Variants in DENND5B observed in about 807,000 individuals in gnomAD.
DENND5B encodes the protein DENN domain containing 5B.
A neutral mutation model predicts 140.6 loss-of-function variants in DENND5B; 34 were observed. The observed-to-expected ratio is 0.24, with a 90% confidence interval of 0.18 to 0.32. The LOEUF (loss-of-function observed/expected upper bound fraction) is 0.32, where lower values mean the gene tolerates loss of function less well. Among genes scored for constraint, DENND5B ranks in the 10% least tolerant of loss-of-function variants. The pLI, the probability that DENND5B is intolerant of heterozygous loss-of-function variation, is 1.00. For missense variants in DENND5B, 1,142 were observed against 1,560.2 expected (o/e 0.73, Z 4.52); for synonymous variants, 551 against 562.1 (o/e 0.98, Z 0.28).
rs890428196 is a variant in DENND5B at position 31,425,085 on chromosome 12, A to C, written c.2239-398T>G. ...CCCAGCACTTTGGGAGGCCCAGGCA[A>C]GTGGATCACCTGGGGTCAGGAGTTC... is the stretch of plus-strand genomic sequence containing the variant. On this transcript the variant is annotated intron_variant, in intron 9 of 20. Coordinates refer to ENST00000389082, the MANE Select transcript of DENND5B (RefSeq NM_144973.4). Among the ~76,000 whole-genome samples the C allele has an allele frequency of 9.2e-5, 14 of 152,246 alleles. No individual in the cohort carries two copies. The East Asian group carries it at 2.7e-3, about 29-fold the overall frequency.
intron 1 of DENND5B, among the ~76,000 whole-genome samples, chr12:31,571,419 CTGAG>C (rs1192626512): frequency 6.6e-6 from 1 of 152,004 alleles, no homozygotes; most frequent in Non-Finnish European, 1.5e-5. Context: ...CATTAAGCAA[CTGAG>C]TGAGATTCAA....
chr12:31,553,997 T>A (rs11051462), intron 1 of DENND5B, among the ~76,000 whole-genome samples: 1 of 151,386 alleles, frequency 6.6e-6, no homozygotes, highest in Admixed American at 6.6e-5. Flanking sequence ...AGCACACTGA[T>A]GGGTCTTGAC....
intron 1 of DENND5B, among the ~76,000 whole-genome samples, chr12:31,565,996 T>A (rs898306057): frequency 2.0e-5 from 3 of 151,446 alleles, no homozygotes; most frequent in African/African-American, 4.9e-5. Flanking sequence ...AATATAAAAA[T>A]TAGCTGGGCA....
At chr12:31,448,448 C>A (rs1161730578) in intron 5 of DENND5B, among the ~76,000 whole-genome samples, 2 of 152,070 alleles carry the variant, frequency 1.3e-5, no homozygotes, top group Non-Finnish European at 2.9e-5. Context: ...AGTTGTAATT[C>A]CTTCTGTTCT....
chr12:31,551,529 T>C (rs1463919340), intron 1 of DENND5B, among the ~76,000 whole-genome samples: 2 of 152,224 alleles, frequency 1.3e-5, no homozygotes, highest in South Asian at 2.1e-4. Flanking sequence ...TGGCTTAGGA[T>C]TGACTCGGCG....
In DENND5B at chr12:31,447,777, G is replaced by A. The variant is rs1313631962; in HGVS notation, c.1630-8C>T. The stretch of plus-strand genomic sequence containing the variant: ...GTCAGACAGAAAGGAAGCCTGTAAT[G>A]AGATAATTAGGAAATTATTAGTGCA... On this transcript the variant is annotated splice_region_variant and splice_polypyrimidine_tract_variant and intron_variant, in intron 5 of 20. Transcript: ENST00000389082. 6.4e-7 allele frequency: 1 copy of A among 1,559,588 alleles called. No homozygotes were observed. Among genetic ancestry groups the A allele is most frequent in the East Asian group, 2.3e-5 (1 of 42,932 alleles).
intron 1 of DENND5B, among the ~76,000 whole-genome samples, chr12:31,555,498 G>A (rs1437934703): frequency 6.6e-6 from 1 of 152,206 alleles, no homozygotes; most frequent in Non-Finnish European, 1.5e-5. Flanking sequence ...CTACTCGGGG[G>A]TCAGGGACCC....
intron 1 of DENND5B, among the ~76,000 whole-genome samples, chr12:31,514,058 C>T (rs1200545331): frequency 6.6e-6 from 1 of 152,046 alleles, no homozygotes; most frequent in African/African-American, 2.4e-5. Context: ...GTTGCCCAAG[C>T]TGGTCTCAAA....
At position 31,385,377 on chromosome 12, in the gene DENND5B, AAAGT is replaced by A. The variant is rs1326314352; in HGVS notation, c.*2222_*2225del. ...CTATTCCTTAAGTGTTCCCATCCAC[AAAGT>A]AAGAAGGCTGGATGAGGTGTGTCAA... On this transcript the variant is annotated 3_prime_UTR_variant, in exon 21 of 21. Transcript: ENST00000389082. 5 of 152,184 alleles carry A rather than the reference AAAGT, an allele frequency of 3.3e-5. No homozygotes were observed. Among genetic ancestry groups the A allele is most frequent in the African/African-American group, 1.2e-4 (5 of 41,454 alleles). 9.4% of individuals were successfully genotyped at this position (152,184 alleles called of 1,614,324 possible). A position where few individuals can be genotyped will look rare whatever the true frequency, so the allele number is the denominator to read the frequency against.
chr12:31,435,596 CGTTTGGATCTTCA>C (rs1342549648), intron 7 of DENND5B, among the ~76,000 whole-genome samples: 3 of 152,118 alleles, frequency 2.0e-5, no homozygotes, highest in Non-Finnish European at 4.4e-5. Flanking sequence ...TACTTATTTA[CGTTTGGATCTTCA>C]GTTCATTTCA....
At chr12:31,531,428 G>A (rs1367684937) in intron 1 of DENND5B, among the ~76,000 whole-genome samples, 3 of 152,158 alleles carry the variant, frequency 2.0e-5, no homozygotes, top group African/African-American at 7.2e-5. Flanking sequence ...TCGAACTCCT[G>A]ACCTCAAGGG....
At chr12:31,513,783 G>T (rs1311286820) in intron 1 of DENND5B, among the ~76,000 whole-genome samples, 1 of 151,498 alleles carries the variant, frequency 6.6e-6, no homozygotes, top group Non-Finnish European at 1.5e-5. Flanking sequence ...ATTGGAAAAT[G>T]GTATTAGAAA....
chr12:31,405,415 G>C (rs1017266735), intron 14 of DENND5B, among the ~76,000 whole-genome samples: 3 of 150,766 alleles, frequency 2.0e-5, no homozygotes, highest in Admixed American at 2.0e-4. Context: ...GCAGGGTTTT[G>C]CCATGTTGCC....
intron 7 of DENND5B, among the ~76,000 whole-genome samples, chr12:31,440,420 C>T (rs1263545725): frequency 1.3e-5 from 2 of 152,310 alleles, no homozygotes; most frequent in African/African-American, 4.8e-5. Flanking sequence ...ACCCTGCAAA[C>T]TAAGGCAAGT....
intron 14 of DENND5B, among the ~76,000 whole-genome samples, chr12:31,405,778 C>T (rs1942096420): frequency 6.6e-6 from 1 of 151,758 alleles, no homozygotes; most frequent in South Asian, 2.1e-4. Flanking sequence ...GAACTCCTGA[C>T]CACGTGATTC....
In DENND5B at chr12:31,442,807, G is replaced by A. The variant is rs746096161; in HGVS notation, c.1980C>T (p.Ser660=). ...TGGTTGGTCCTGTTGCCAAGACATCGGACTGTAACTTTGGAAAGAACCCCT... is the reference window on the plus strand; with the variant it reads ...TGGTTGGTCCTGTTGCCAAGACATCAGACTGTAACTTTGGAAAGAACCCCT... ...YEQGFFPKLQ[S]DVLATGPTSN... Residue 660 remains serine (S), a synonymous_variant, in exon 7 of 21, where the codon TCC becomes TCT. Coordinates refer to ENST00000389082, the MANE Select transcript of DENND5B (RefSeq NM_144973.4). 2 of 1,613,416 alleles carry A rather than the reference G, an allele frequency of 1.2e-6. No homozygotes were observed. Among genetic ancestry groups the A allele is most frequent in the Admixed American group, 1.7e-5 (1 of 59,950 alleles).
Position 31,387,494 on chromosome 12 carries a change from CAT to C in DENND5B, c.*107_*108del, listed in dbSNP as rs1355740443. The C allele has an allele frequency of 1.8e-6, 2 of 1,107,224 alleles. No homozygotes were observed. The highest frequency in any genetic ancestry group is 5.0e-5 in the East Asian group (2 of 40,104). The allele number at this position is 1,107,224 out of a possible 1,614,324, so 68.6% of individuals were successfully genotyped here. A position where few individuals can be genotyped will look rare whatever the true frequency, so the allele number is the denominator to read the frequency against. ...AGAGTGAGGATTGTTCCAAATGGGG[CAT>C]ATGTTTGGCTGCCCCTGCAGTGACT... On this transcript the variant is annotated 3_prime_UTR_variant, in exon 21 of 21. Coordinates refer to ENST00000389082, the MANE Select transcript of DENND5B (RefSeq NM_144973.4).
At chr12:31,399,928 T>C (rs573692012) in intron 15 of DENND5B, among the ~76,000 whole-genome samples, 156 bp from the exon 16 acceptor site, 25 of 152,304 alleles carry the variant, frequency 1.6e-4, no homozygotes, top group African/African-American at 5.5e-4. Context: ...TCACATATAT[T>C]CCTTGCTCTC....
At chr12:31,551,253 AG>A (rs1949050557) in intron 1 of DENND5B, among the ~76,000 whole-genome samples, 1 of 152,170 alleles carries the variant, frequency 6.6e-6, no homozygotes, top group South Asian at 2.1e-4. Context: ...GGTGTAAGGA[AG>A]GGATCCAGTT....
Sources: gnomAD v4.1 joint callset for allele counts (sites outside exome capture counted in the v4.1 genomes callset) on GRCh38, gnomAD v4.1.1 for gene constraint, MANE v1.5 for transcripts, NCBI Gene and HGNC (gene_info 2026-07-23, HGNC 2026-07-21) for gene names.